Variants in COL24A1 observed in about 807,000 individuals in gnomAD.
COL24A1 encodes collagen alpha-1(XXIV) chain.
A neutral mutation model predicts 253.9 loss-of-function variants in COL24A1; 224 were observed. The ratio of observed to expected loss-of-function variants is 0.88; its 90% CI spans 0.79 to 0.99. The LOEUF is 0.99. COL24A1 is among the 50% of genes least tolerant of loss of function. The probability of loss-of-function intolerance (pLI) is 0.00; values close to 1 mark genes in which losing one functional copy is unlikely to be tolerated. For missense variants in COL24A1, 2,131 were observed against 2,068.5 expected, an observed-to-expected ratio of 1.03 and a Z score of -0.59; for synonymous variants, 685 against 673.7, an observed-to-expected ratio of 1.02 and a Z score of -0.26.
At chr1:85,831,961 T>C (rs762862935) in intron 43 of COL24A1, among the ~76,000 whole-genome samples, 1 of 152,128 alleles carries the variant, frequency 6.6e-6, no homozygotes, top group Non-Finnish European at 1.5e-5. Flanking sequence ...TTTGCTTTTG[T>C]TGACATTGCT....
intron 18 of COL24A1, among the ~76,000 whole-genome samples, chr1:86,019,928 C>T (rs1407975641): frequency 5.9e-5 from 9 of 152,064 alleles, no homozygotes; most frequent in Non-Finnish European, 1.3e-4. Context: ...GAAACAGGCT[C>T]TCTGCCTTTT....
chr1:85,978,988 C>A (rs1692977198), intron 20 of COL24A1, among the ~76,000 whole-genome samples: 1 of 151,994 alleles, frequency 6.6e-6, no homozygotes, highest in African/African-American at 2.4e-5. Context: ...ATATCAAGTA[C>A]CCTCTCAGAC....
At chr1:86,045,806 A>T (rs1699858916) in intron 12 of COL24A1, 1 of 422,314 alleles carries the variant, frequency 2.4e-6, no homozygotes, top group Non-Finnish European at 4.7e-6. Context: ...AATACACTAA[A>T]ATCTTTAAAC....
At chr1:86,124,755 G>C in intron 3 of COL24A1, 90 bp downstream of exon 3, 1 of 956,396 alleles carries the variant, frequency 1.0e-6, no homozygotes, top group Non-Finnish European at 1.5e-6. Context: ...TGTATTGTTT[G>C]GTCCAGAGAA....
chr1:86,135,946 G>A (rs1424047635), intron 2 of COL24A1, among the ~76,000 whole-genome samples: 1 of 152,046 alleles, frequency 6.6e-6, no homozygotes, highest in Non-Finnish European at 1.5e-5. Flanking sequence ...GGCAGAAGAA[G>A]AGGATGGGCT....
At chr1:86,110,747 C>T (rs1431278711) in intron 5 of COL24A1, among the ~76,000 whole-genome samples, 3 of 152,136 alleles carry the variant, frequency 2.0e-5, no homozygotes, top group Admixed American at 1.3e-4. Flanking sequence ...GTGCTGCGCT[C>T]GAATTCTCGC....
intron 8 of COL24A1, among the ~76,000 whole-genome samples, chr1:86,059,828 A>C (rs1269829122): frequency 1.3e-5 from 2 of 152,140 alleles, no homozygotes; most frequent in African/African-American, 4.8e-5. Context: ...TGGAGCCCTC[A>C]TGAATGGGAT....
chr1:86,124,917 A>C lies in COL24A1; in HGVS notation c.1419T>G (p.Tyr473Ter), dbSNP rs1440099784. 14 of 1,611,362 alleles carry C rather than the reference A, an allele frequency of 8.7e-6. No individual in the cohort carries two copies. Among genetic ancestry groups the C allele is most frequent in the Non-Finnish European group, 1.2e-5 (14 of 1,179,092 alleles). Residue 473 changes from tyrosine to a stop codon, truncating the protein, a stop_gained, in exon 3 of 60, where the codon TAT becomes TAG. Coordinates refer to ENST00000370571, the MANE Select transcript of COL24A1 (RefSeq NM_152890.7). LOFTEE classifies it high-confidence loss of function. ...NSYETELYDY[Y>*]YYEDLNTMLE... ...GCATTGTATTTAGATCCTCATAATA[A>C]TAATAATCATAAAGCTCAGTTTCAT...
intron 14 of COL24A1, among the ~76,000 whole-genome samples, chr1:86,031,659 A>G (rs1487095365): frequency 2.0e-5 from 3 of 152,170 alleles, no homozygotes; most frequent in African/African-American, 7.2e-5. Flanking sequence ...ATAAAAATAT[A>G]TCATTATTTT....
intron 7 of COL24A1, among the ~76,000 whole-genome samples, chr1:86,082,899 G>A (rs7524435): frequency 0.43 from 64,814 of 151,250 alleles, 14,504 homozygotes; most frequent in Middle Eastern, 0.63. Context: ...AATGCTCCCA[G>A]TGAGCATTTC....
chr1:86,027,913 G>T (rs1250160790), intron 14 of COL24A1, among the ~76,000 whole-genome samples: 1 of 152,192 alleles, frequency 6.6e-6, no homozygotes, highest in African/African-American at 2.4e-5. Context: ...AAGGCTGTGG[G>T]AACCCACCTC....
In COL24A1 at chr1:85,816,821, T is replaced by G. The variant is rs1673086765; in HGVS notation, c.3918A>C (p.Gly1306=). The change falls in exon 47 of 60, where the codon GGA becomes GGC. Residue 1306 remains glycine (G), a synonymous_variant. Transcript: ENST00000370571. ...HGADGISGNP[G]KIGPPGKQGL... The stretch of plus-strand genomic sequence containing the variant: ...CCTGTTTTCCTGGTGGCCCAATTTT[T>G]CCAGGGTTTCCTGAAATGCCATCTG... 1 of 1,613,912 alleles carries G rather than the reference T, an allele frequency of 6.2e-7. No individual in the cohort carries two copies. Among genetic ancestry groups the G allele is most frequent in the African/African-American group, 1.3e-5 (1 of 74,942 alleles).
In COL24A1 at chr1:85,838,652, A is replaced by G; in HGVS notation, c.3628-14T>C. ...CCCCACTGGACCCTACAGAGACCAC[A>G]CACAAAACAATCAGTTTTACAGCTG... On this transcript the variant is annotated splice_polypyrimidine_tract_variant and intron_variant, in intron 42 of 59. Transcript: ENST00000370571. 6.2e-7 allele frequency: 1 copy of G among 1,613,268 alleles called. No individual in the cohort carries two copies. Among genetic ancestry groups the G allele is most frequent in the East Asian group, 2.2e-5 (1 of 44,870 alleles).
intron 24 of COL24A1, 85 bp downstream of exon 24, chr1:85,961,164 G>A: frequency 5.1e-6 from 5 of 987,040 alleles, no homozygotes; most frequent in African/African-American, 1.6e-5. Flanking sequence ...CGAGTAACTT[G>A]ACTATAGCAA....
chr1:85,786,986 C>A (rs1408551247), intron 47 of COL24A1, among the ~76,000 whole-genome samples: 3 of 152,116 alleles, frequency 2.0e-5, no homozygotes. Context: ...AAATTCAGTC[C>A]ATCACCTGTT....
At chr1:85,927,331 G>A (rs1359258942) in intron 24 of COL24A1, among the ~76,000 whole-genome samples, 1 of 152,062 alleles carries the variant, frequency 6.6e-6, no homozygotes, top group African/African-American at 2.4e-5. Context: ...GACGGCACCT[G>A]GAAAATCGGG....
At chr1:85,841,149 AT>A (rs1676567991) in intron 42 of COL24A1, 72 bp downstream of exon 42, 1 of 1,026,960 alleles carries the variant, frequency 9.7e-7, no homozygotes, top group South Asian at 1.5e-5. Flanking sequence ...AAAAGATTTA[AT>A]TGGTGTTGTG....
At chr1:86,039,140 G>C (rs1006755348) in intron 12 of COL24A1, among the ~76,000 whole-genome samples, 26 of 122,196 alleles carry the variant, frequency 2.1e-4, no homozygotes, top group African/African-American at 8.4e-4. Flanking sequence ...TTAAATGTAT[G>C]ATATGCAGGG....
intron 55 of COL24A1, among the ~76,000 whole-genome samples, chr1:85,747,555 A>T (rs1281707912): frequency 2.0e-5 from 3 of 152,266 alleles, no homozygotes; most frequent in African/African-American, 7.2e-5. Context: ...AAAACAAAAA[A>T]ATTAATGAGA....
Sources: gnomAD v4.1 joint callset for allele counts (sites outside exome capture counted in the v4.1 genomes callset) on GRCh38, gnomAD v4.1.1 for gene constraint, MANE v1.5 for transcripts, NCBI Gene and HGNC (gene_info 2026-07-23, HGNC 2026-07-21) for gene names.